ATXN1: variants seen among roughly 807,000 people sequenced by gnomAD.
ATXN1 encodes the protein ataxin-1.
A neutral mutation model predicts 56.4 loss-of-function variants in ATXN1; 8 were observed. The ratio of observed to expected loss-of-function variants is 0.14; its 90% CI spans 0.08 to 0.26. The LOEUF (loss-of-function observed/expected upper bound fraction) is 0.26. Among genes scored for constraint, ATXN1 ranks in the 10% least tolerant of loss-of-function variants. The pLI is 1.00. For synonymous variants in ATXN1, 514 were observed against 494.6 expected (o/e 1.04, Z -0.52); for missense variants, 987 against 1,106.5 (o/e 0.89, Z 1.53).
At chr6:16,666,851 A>G (rs575586997) in intron 2 of ATXN1, 1 of 152,288 alleles carries the variant, frequency 6.6e-6, no homozygotes, top group South Asian at 2.1e-4. Context: ...GGCTTTAAGA[A>G]TCTAGTTAAA....
chr6:16,465,595 G>A (rs919146699), intron 6 of ATXN1, among the ~76,000 whole-genome samples: 1 of 152,156 alleles, frequency 6.6e-6, no homozygotes, highest in Non-Finnish European at 1.5e-5. Context: ...TGGGGATGAG[G>A]GCAAGGGCAG....
At chr6:16,693,547 T>C (rs1439018238) in intron 2 of ATXN1, among the ~76,000 whole-genome samples, 1 of 152,150 alleles carries the variant, frequency 6.6e-6, no homozygotes, top group Non-Finnish European at 1.5e-5. Context: ...TAAGCATCAG[T>C]TCCAAAACCT....
Position 16,306,648 on chromosome 6 carries a change from T to C in ATXN1, c.2129A>G (p.His710Arg), listed in dbSNP as rs766713000. 1 of 1,614,184 alleles carries C rather than the reference T, an allele frequency of 6.2e-7. No individual in the cohort carries two copies. The highest frequency in any genetic ancestry group is 8.5e-7 in the Non-Finnish European group (1 of 1,180,038). Reference protein sequence around the residue: ...PVDPASVLLKHSKADGLAGSR... With the variant: ...PVDPASVLLKRSKADGLAGSR... The stretch of plus-strand genomic sequence containing the variant: ...GCCCGCCAGGCCGTCGGCCTTTGAG[T>C]GCTTCAGCAGGACGCTGGCGGGATC... The change falls in exon 8 of 8, where the codon CAC (histidine) becomes CGC (arginine). Residue 710 changes from histidine (H) to arginine (R), a missense_variant. This residue lies in a region of ATXN1 where 196 missense variants were observed against 196.7 expected (regional missense o/e 1.00). Transcript: ENST00000436367. This position sits in a 1 kb window ranked among gnomAD's most constrained non-coding sequence, Gnocchi z 5.2.
intron 6 of ATXN1, among the ~76,000 whole-genome samples, chr6:16,368,343 C>CTTTTTTTTT (rs10527935): frequency 9.2e-4 from 70 of 75,846 alleles, no homozygotes; most frequent in Non-Finnish European, 1.3e-3. Flanking sequence ...ACTTCTTCTT[C>CTTTTTTTTT]TTTTTTTTTT....
chr6:16,648,374 T>A (rs1282190402), intron 3 of ATXN1, among the ~76,000 whole-genome samples: 2 of 152,204 alleles, frequency 1.3e-5, no homozygotes, highest in Admixed American at 1.3e-4. Flanking sequence ...ATAGTCTAAT[T>A]GCCTTCCTGA....
At chr6:16,480,588 C>G (rs1175962211) in intron 6 of ATXN1, among the ~76,000 whole-genome samples, 1 of 152,078 alleles carries the variant, frequency 6.6e-6, no homozygotes, top group Non-Finnish European at 1.5e-5. Context: ...CTGATAGACT[C>G]AAGAACATCC....
chr6:16,553,032 C>T (rs754412655), intron 4 of ATXN1, among the ~76,000 whole-genome samples: 3 of 152,228 alleles, frequency 2.0e-5, no homozygotes, highest in Non-Finnish European at 4.4e-5. Context: ...CCAATCTTTT[C>T]GGAGGTGTTG....
intron 2 of ATXN1, among the ~76,000 whole-genome samples, chr6:16,701,585 CCCAT>C (rs1759284862): frequency 6.6e-6 from 1 of 152,062 alleles, no homozygotes; most frequent in Non-Finnish European, 1.5e-5. Context: ...TCTAGAAAAC[CCCAT>C]TGTCTCAGCC....
At chr6:16,661,972 CTTG>C (rs1374861419) in intron 2 of ATXN1, among the ~76,000 whole-genome samples, 5 of 152,192 alleles carry the variant, frequency 3.3e-5, no homozygotes, top group African/African-American at 4.8e-5. Context: ...ATAATAAACA[CTTG>C]TTGTTTTAAG....
intron 6 of ATXN1, among the ~76,000 whole-genome samples, chr6:16,347,425 T>C (rs904760864): frequency 6.6e-6 from 1 of 152,184 alleles, no homozygotes; most frequent in African/African-American, 2.4e-5. Flanking sequence ...AGCTCAGGGT[T>C]TGTGAATGCA....
intron 4 of ATXN1, among the ~76,000 whole-genome samples, chr6:16,573,694 T>C (rs936168801): frequency 6.6e-6 from 1 of 152,086 alleles, no homozygotes; most frequent in African/African-American, 2.4e-5. Context: ...TTCATACCAA[T>C]CTCCAGCAAT....
intron 1 of ATXN1, among the ~76,000 whole-genome samples, chr6:16,759,870 A>G (rs1265780557): frequency 6.6e-6 from 1 of 152,100 alleles, no homozygotes; most frequent in Non-Finnish European, 1.5e-5. Context: ...GAGTTTAAGA[A>G]GGCAGCCTGA....
chr6:16,710,022 C>T (rs1193386763), intron 2 of ATXN1, among the ~76,000 whole-genome samples: 3 of 151,998 alleles, frequency 2.0e-5, no homozygotes, highest in African/African-American at 7.3e-5. Flanking sequence ...AACAAACAAA[C>T]ACAAATTCTT....
At chr6:16,318,277 G>T (rs1004626657) in intron 7 of ATXN1, among the ~76,000 whole-genome samples, 7 of 152,160 alleles carry the variant, frequency 4.6e-5, no homozygotes, top group Non-Finnish European at 8.8e-5. Context: ...CACTATCCCA[G>T]ACATACAAAT....
chr6:16,592,571 T>C (rs1016469056), intron 3 of ATXN1, among the ~76,000 whole-genome samples: 6 of 152,110 alleles, frequency 3.9e-5, no homozygotes, highest in South Asian at 2.1e-4. Flanking sequence ...CTTTACTTGA[T>C]GGATTTTCTT....
chr6:16,735,168 G>A (rs892269539), intron 2 of ATXN1, among the ~76,000 whole-genome samples: 2 of 152,098 alleles, frequency 1.3e-5, no homozygotes, highest in Non-Finnish European at 1.5e-5. Flanking sequence ...TGTGACCTTG[G>A]GCAAGCTACT....
intron 6 of ATXN1, among the ~76,000 whole-genome samples, chr6:16,452,228 G>T (rs1403939592): frequency 6.6e-6 from 1 of 152,198 alleles, no homozygotes; most frequent in African/African-American, 2.4e-5. Flanking sequence ...TGAGGGTAAA[G>T]ATTATGTTTT....
intron 2 of ATXN1, among the ~76,000 whole-genome samples, chr6:16,704,941 G>C (rs1471005898): frequency 3.9e-5 from 6 of 152,182 alleles, no homozygotes; most frequent in Non-Finnish European, 8.8e-5. Flanking sequence ...TGAATCAAGC[G>C]ACCACACTGT....
At chr6:16,669,416 G>GGCGT (rs1486194940) in intron 2 of ATXN1, among the ~76,000 whole-genome samples, 1 of 152,164 alleles carries the variant, frequency 6.6e-6, no homozygotes, top group Non-Finnish European at 1.5e-5. Flanking sequence ...TGGGGGAAAG[G>GGCGT]GCGTGGCGTA....
Sources: gnomAD v4.1 joint callset for allele counts (sites outside exome capture counted in the v4.1 genomes callset) on GRCh38, gnomAD v4.1.1 for gene constraint, gnomAD v4.1.1 regional missense constraint, Gnocchi (gnomAD v3.1) non-coding constraint, MANE v1.5 for transcripts, NCBI Gene and HGNC (gene_info 2026-07-23, HGNC 2026-07-21) for gene names.